HCRTR2: variants seen among roughly 807,000 people sequenced by gnomAD.
HCRTR2 encodes hypocretin receptor 2, also known as orexin receptor type 2.
Under a neutral mutation model 49.0 loss-of-function variants are expected in HCRTR2, and 22 were observed. The observed-to-expected ratio is 0.45, with a 90% CI of 0.32 to 0.64. HCRTR2 has a LOEUF of 0.64. HCRTR2 is among the 30% of genes least tolerant of loss of function. The probability of loss-of-function intolerance (pLI) is 0.04; values close to 1 mark genes in which losing one functional copy is unlikely to be tolerated. For synonymous variants in HCRTR2, 236 were observed against 205.3 expected (o/e 1.15, Z -1.28); for missense variants, 491 against 559.4 (o/e 0.88, Z 1.23).
chr6:55,142,671 G>T (rs72975482), intron 1 of HCRTR2, among the ~76,000 whole-genome samples: 43,194 of 151,448 alleles, frequency 0.29, 6,843 homozygotes, highest in Non-Finnish European at 0.36. Context: ...TTGCAGCATC[G>T]TTTTCCACAT....
chr6:55,245,787 G>T, intron 1 of HCRTR2, among the ~76,000 whole-genome samples: 1 of 151,862 alleles, frequency 6.6e-6, no homozygotes, highest in Admixed American at 6.6e-5. Context: ...GGCTAGGGAA[G>T]TGGGCATAGC....
At chr6:55,178,635 C>T (rs1765080637) in intron 1 of HCRTR2, among the ~76,000 whole-genome samples, 1 of 152,138 alleles carries the variant, frequency 6.6e-6, no homozygotes, top group African/African-American at 2.4e-5. Context: ...CAGTCTGTAT[C>T]TCTGTAGCTC....
At chr6:55,155,071 T>G (rs533716121) in intron 1 of HCRTR2, among the ~76,000 whole-genome samples, 1 of 151,766 alleles carries the variant, frequency 6.6e-6, no homozygotes, top group Non-Finnish European at 1.5e-5. Flanking sequence ...GATAAAAAAA[T>G]TAAAGAAGAT....
intron 1 of HCRTR2, among the ~76,000 whole-genome samples, chr6:55,137,788 A>G (rs1390344160): frequency 6.6e-6 from 1 of 152,212 alleles, no homozygotes; most frequent in African/African-American, 2.4e-5. Context: ...TGAGCCACCA[A>G]TGTGATAGTT....
At chr6:55,279,000 T>G (rs1767135518) in intron 5 of HCRTR2, among the ~76,000 whole-genome samples, 1 of 152,020 alleles carries the variant, frequency 6.6e-6, no homozygotes, top group Admixed American at 6.6e-5. Flanking sequence ...TCCAACTACT[T>G]TTTTTGTCAA....
At chr6:55,249,276 G>A (rs535042255) in intron 2 of HCRTR2, among the ~76,000 whole-genome samples, 3 of 152,046 alleles carry the variant, frequency 2.0e-5, no homozygotes, top group African/African-American at 7.2e-5. Context: ...CCAAGTCATT[G>A]AGCATATTTG....
intron 1 of HCRTR2, among the ~76,000 whole-genome samples, chr6:55,149,744 T>C (rs1233452025): frequency 6.6e-6 from 1 of 152,102 alleles, no homozygotes; most frequent in East Asian, 1.9e-4. Context: ...TATTCACTCA[T>C]ATTTAATTCC....
chr6:55,150,481 G>C (rs1049182539), intron 1 of HCRTR2, among the ~76,000 whole-genome samples: 6 of 151,734 alleles, frequency 4.0e-5, no homozygotes, highest in African/African-American at 1.5e-4. Context: ...TCTACCCTTT[G>C]GTTACACCTC....
intron 1 of HCRTR2, among the ~76,000 whole-genome samples, chr6:55,161,121 A>G (rs780555474): frequency 6.6e-6 from 1 of 152,204 alleles, no homozygotes; most frequent in African/African-American, 2.4e-5. Context: ...AACTAAAATC[A>G]TAACAAACAG....
chr6:55,170,739 C>CA (rs1554169503), upstream of HCRTR2, among the ~76,000 whole-genome samples: 3 of 111,932 alleles, frequency 2.7e-5, no homozygotes, highest in Non-Finnish European at 3.5e-5. Flanking sequence ...CCCCCTCCCC[C>CA]ACCCCACGAC....
chr6:55,248,519 C>A (rs530200956), intron 1 of HCRTR2, 120 bp from the exon 2 acceptor site: 4 of 810,942 alleles, frequency 4.9e-6, no homozygotes, highest in South Asian at 2.9e-5. Context: ...CACGGCACAG[C>A]CTTCAATTAT....
intron 4 of HCRTR2, among the ~76,000 whole-genome samples, chr6:55,276,625 G>A (rs1767081204): frequency 6.6e-6 from 1 of 152,134 alleles, no homozygotes; most frequent in South Asian, 2.1e-4. Flanking sequence ...TATTGTACTT[G>A]GAGGGATTCC....
chr6:55,265,926 A>C (rs573076622), intron 4 of HCRTR2, among the ~76,000 whole-genome samples: 21 of 152,062 alleles, frequency 1.4e-4, no homozygotes, highest in Non-Finnish European at 2.8e-4. Flanking sequence ...CTCAGTTTCT[A>C]TTTCTATTTG....
In HCRTR2 at chr6:55,150,141, TA is replaced by T. The variant is rs889214840; in HGVS notation, c.-377-24063del. ...ATCACATACATTTAATATTCTACAT[TA>T]AAAAAACATTTTATTAAGATATTAT... On this transcript the variant is annotated intron_variant, in intron 1 of 7. Coordinates refer to the HCRTR2 transcript ENST00000615358. Among the ~76,000 whole-genome samples the T allele has an allele frequency of 7.2e-5, 11 of 151,892 alleles. No individual in the cohort carries two copies. In the East Asian group the frequency reaches 1.5e-3, roughly 21 times the overall value.
intron 1 of HCRTR2, among the ~76,000 whole-genome samples, chr6:55,209,064 A>G (rs2127290315): frequency 6.6e-6 from 1 of 152,314 alleles, no homozygotes; most frequent in African/African-American, 2.4e-5. Flanking sequence ...AGTTTGTACT[A>G]TGTTAATATA....
intron 1 of HCRTR2, among the ~76,000 whole-genome samples, chr6:55,197,920 C>T (rs150156027): frequency 8.5e-5 from 13 of 152,066 alleles, no homozygotes; most frequent in Non-Finnish European, 1.3e-4. Context: ...CACGCCCAGC[C>T]GACCCTTTCT....
intron 1 of HCRTR2, among the ~76,000 whole-genome samples, chr6:55,242,925 T>C (rs975698779): frequency 2.6e-5 from 4 of 152,136 alleles, no homozygotes; most frequent in Non-Finnish European, 5.9e-5. Flanking sequence ...AACAGGAAAA[T>C]AACTTAAATC....
At chr6:55,222,786 T>G (rs1017322791) in intron 1 of HCRTR2, among the ~76,000 whole-genome samples, 8 of 151,934 alleles carry the variant, frequency 5.3e-5, no homozygotes, top group Middle Eastern at 3.4e-3. Flanking sequence ...GGAGTAAGAG[T>G]AAGAGGAAAG....
chr6:55,194,921 T>C (rs946444706), intron 1 of HCRTR2, among the ~76,000 whole-genome samples: 1 of 152,068 alleles, frequency 6.6e-6, no homozygotes, highest in Admixed American at 6.6e-5. Flanking sequence ...AGTACAATCA[T>C]AACAGAAGAC....
Sources: gnomAD v4.1 joint callset for allele counts (sites outside exome capture counted in the v4.1 genomes callset) on GRCh38, gnomAD v4.1.1 for gene constraint, MANE v1.5 for transcripts, NCBI Gene and HGNC (gene_info 2026-07-23, HGNC 2026-07-21) for gene names.